MAST4: variants seen among roughly 807,000 people sequenced by gnomAD.
MAST4 encodes the protein microtubule-associated serine/threonine-protein kinase 4.
MAST4 carries 89 observed loss-of-function variants against 162.7 expected under a neutral mutation model. That is an observed-to-expected ratio of 0.55 (90% CI 0.46 to 0.65). The LOEUF (loss-of-function observed/expected upper bound fraction) is 0.65. Ranked by LOEUF, MAST4 falls within the 30% of genes least tolerant of loss-of-function variation. The probability of loss-of-function intolerance (pLI) is 0.00; values close to 1 mark genes in which losing one functional copy is unlikely to be tolerated. For missense variants in MAST4, 3,153 were observed against 3,374.0 expected, an observed-to-expected ratio of 0.93 and a Z score of 1.62; for synonymous variants, 1,479 against 1,361.1, an observed-to-expected ratio of 1.09 and a Z score of -1.91.
chr5:66,682,331 T>G (rs1748385242), intron 1 of MAST4, among the ~76,000 whole-genome samples: 1 of 152,242 alleles, frequency 6.6e-6, no homozygotes, highest in Non-Finnish European at 1.5e-5. Context: ...ACGTGCCTTC[T>G]TGTTCTTATG....
intron 19 of MAST4, among the ~76,000 whole-genome samples, chr5:67,141,052 A>T (rs1055439792): frequency 2.6e-5 from 4 of 152,200 alleles, no homozygotes; most frequent in African/African-American, 9.6e-5. Context: ...ATGAGGACAG[A>T]GTCCAATCTT....
chr5:66,953,645 G>C (rs1264781260), intron 4 of MAST4, among the ~76,000 whole-genome samples: 1 of 152,032 alleles, frequency 6.6e-6, no homozygotes, highest in Non-Finnish European at 1.5e-5. Flanking sequence ...GGCATGAGAA[G>C]CAAAACAGTT....
intron 3 of MAST4, among the ~76,000 whole-genome samples, chr5:66,882,739 C>T (rs902872093): frequency 6.6e-6 from 1 of 152,092 alleles, no homozygotes; most frequent in Non-Finnish European, 1.5e-5. Context: ...TTCTCTTGGC[C>T]ATGGGTCATA....
At chr5:66,839,822 G>A (rs1358650753) in intron 3 of MAST4, among the ~76,000 whole-genome samples, 1 of 152,134 alleles carries the variant, frequency 6.6e-6, no homozygotes, top group Admixed American at 6.6e-5. Context: ...CATTTGAATG[G>A]AGTATCTGTA....
chr5:66,644,568 T>C (rs781308299), intron 1 of MAST4, among the ~76,000 whole-genome samples: 2 of 152,180 alleles, frequency 1.3e-5, no homozygotes, highest in Non-Finnish European at 2.9e-5. Context: ...AGAACGGTAG[T>C]ATTCCATCTG....
chr5:66,632,049 A>T (rs1252586009), intron 1 of MAST4, among the ~76,000 whole-genome samples: 1 of 152,158 alleles, frequency 6.6e-6, no homozygotes, highest in African/African-American at 2.4e-5. Flanking sequence ...TGATATGCTT[A>T]AAATCATAAC....
intron 5 of MAST4, among the ~76,000 whole-genome samples, chr5:67,079,908 A>G (rs1252789107): frequency 6.6e-6 from 1 of 152,096 alleles, no homozygotes; most frequent in Non-Finnish European, 1.5e-5. Flanking sequence ...GTGGTCAGGG[A>G]TGGTCTGATT....
At chr5:66,942,824 AAGT>A (rs1205185591) in intron 4 of MAST4, among the ~76,000 whole-genome samples, 48 of 152,274 alleles carry the variant, frequency 3.2e-4, no homozygotes, top group East Asian at 1.7e-3. Flanking sequence ...CCATTCAGGC[AAGT>A]ATAACAAAAT....
At chr5:66,840,449 G>T (rs556525795) in intron 3 of MAST4, among the ~76,000 whole-genome samples, 1 of 152,136 alleles carries the variant, frequency 6.6e-6, no homozygotes, top group African/African-American at 2.4e-5. Context: ...TTTCTGTTTA[G>T]CAATCAAGCT....
intron 4 of MAST4, among the ~76,000 whole-genome samples, chr5:67,046,442 T>A (rs961924439): frequency 2.0e-5 from 3 of 152,238 alleles, no homozygotes; most frequent in African/African-American, 7.2e-5. Flanking sequence ...TGTATCTCTT[T>A]TCCAGATTCT....
chr5:67,054,531 T>G, intron 5 of MAST4, 39 bp downstream of exon 5: 1 of 1,527,998 alleles, frequency 6.5e-7, no homozygotes, highest in Middle Eastern at 1.7e-4. Flanking sequence ...TTTTATTTCT[T>G]TATTTGTTGG....
At chr5:66,624,032 G>A (rs989191051) in intron 1 of MAST4, among the ~76,000 whole-genome samples, 1 of 151,494 alleles carries the variant, frequency 6.6e-6, no homozygotes, top group Non-Finnish European at 1.5e-5. Flanking sequence ...AAATACTTAG[G>A]AATTAAGGAG....
chr5:67,148,643 G>A (rs1180712688), intron 23 of MAST4, among the ~76,000 whole-genome samples: 1 of 152,158 alleles, frequency 6.6e-6, no homozygotes, highest in Non-Finnish European at 1.5e-5. Flanking sequence ...AGAGGGGAGA[G>A]GAAATAGCAT....
intron 4 of MAST4, among the ~76,000 whole-genome samples, chr5:67,049,784 G>C (rs1050592400): frequency 6.6e-6 from 1 of 152,052 alleles, no homozygotes; most frequent in Admixed American, 6.5e-5. Context: ...TTCTTGCCAT[G>C]GTCAGAAATG....
chr5:66,952,557 C>G (rs1302317568), intron 4 of MAST4, among the ~76,000 whole-genome samples: 2 of 152,188 alleles, frequency 1.3e-5, no homozygotes, highest in Non-Finnish European at 2.9e-5. Context: ...TCTACTCTCC[C>G]TGCTTCGCCA....
intron 4 of MAST4, among the ~76,000 whole-genome samples, chr5:66,982,076 G>A (rs1748925889): frequency 6.6e-6 from 1 of 152,154 alleles, no homozygotes; most frequent in Admixed American, 6.5e-5. Context: ...TTAAAGATGA[G>A]GAAATCAGGA....
At chr5:67,035,401 AAGAC>A (rs1755887205) in intron 4 of MAST4, among the ~76,000 whole-genome samples, 1 of 152,170 alleles carries the variant, frequency 6.6e-6, no homozygotes, top group African/African-American at 2.4e-5. Context: ...TTTCCTGAGA[AAGAC>A]AGTTTGCTGG....
intron 4 of MAST4, chr5:67,004,998 ATATGTCTGACCCCAATTTTTGGACTGTGC>A: frequency 3.9e-6 from 3 of 772,218 alleles, no homozygotes; most frequent in Non-Finnish European, 7.2e-6. Flanking sequence ...AAAGAAATGG[ATATGTCTGACCCCAATTTTTGGACTGTGC>A]TCTCAAACTT....
At chr5:66,817,939 A>G (rs1756809774) in intron 3 of MAST4, among the ~76,000 whole-genome samples, 1 of 152,206 alleles carries the variant, frequency 6.6e-6, no homozygotes, top group Non-Finnish European at 1.5e-5. Context: ...TAAATCCAAG[A>G]AGTTAAATCA....
Sources: gnomAD v4.1 joint callset for allele counts (sites outside exome capture counted in the v4.1 genomes callset) on GRCh38, gnomAD v4.1.1 for gene constraint, MANE v1.5 for transcripts, NCBI Gene and HGNC (gene_info 2026-07-23, HGNC 2026-07-21) for gene names.